RBM41: variants seen among roughly 807,000 people sequenced by gnomAD.
RBM41 encodes RNA-binding protein 41.
RBM41 carries 14 observed loss-of-function variants against 30.8 expected under a neutral mutation model. The observed-to-expected ratio is 0.45, with a 90% CI of 0.30 to 0.71. The LOEUF (loss-of-function observed/expected upper bound fraction) is 0.71. Among genes scored for constraint, RBM41 ranks in the 30% least tolerant of loss-of-function variants. The pLI is 0.08. For missense variants in RBM41, 276 were observed against 326.3 expected, an observed-to-expected ratio of 0.85 and a Z score of 1.19; for synonymous variants, 120 against 110.1, an observed-to-expected ratio of 1.09 and a Z score of -0.56.
intron 2 of RBM41, chrX:107,116,325 A>T: frequency 1.2e-6 from 1 of 848,728 alleles, no homozygotes; most frequent in Non-Finnish European, 1.5e-6. Context: ...GCTTTATAAA[A>T]AAGATAAAAA....
At chrX:107,084,655 C>G (rs946222287) in intron 6 of RBM41, among the ~76,000 whole-genome samples, 1 of 111,381 alleles carries the variant, frequency 9.0e-6, no homozygotes, top group Non-Finnish European at 1.9e-5. Flanking sequence ...GTCAAAGTTA[C>G]CACCTAAGTG....
intron 6 of RBM41, among the ~76,000 whole-genome samples, chrX:107,077,720 G>A (rs56226947): frequency 0.13 from 14,085 of 110,081 alleles, 932 homozygotes; most frequent in Non-Finnish European, 0.18. Flanking sequence ...TGCAATACAC[G>A]GTATTATTTT....
chrX:107,088,161 G>A (rs138207834), intron 6 of RBM41, among the ~76,000 whole-genome samples: 4,270 of 111,245 alleles, frequency 0.038, 221 homozygotes, highest in African/African-American at 0.13. Flanking sequence ...CCTTCAATTC[G>A]GGGCTTCTAA....
chrX:107,067,656 A>G lies in RBM41; in HGVS notation c.1185T>C (p.Asn395=). 1.7e-6 allele frequency: 2 copies of G among 1,207,119 alleles called. No homozygotes were observed. The highest frequency in any genetic ancestry group is 2.2e-6 in the Non-Finnish European group (2 of 893,881). ...EIAWQALHLV[N]GYKLHGKILV... is the part of the protein sequence containing the mutation. ...ATATTTTCCCATGTAGTTTGTATCC[A>G]TTTACTAGATGCAATGCTTGCCATG... is the stretch of plus-strand genomic sequence containing the variant. Residue 395 remains asparagine, a synonymous_variant, in exon 8 of 8, where the codon AAT becomes AAC. Coordinates refer to ENST00000685964, the MANE Select transcript of RBM41 (RefSeq NM_001324242.2).
At chrX:107,106,816 C>T (rs1924042950) in intron 5 of RBM41, among the ~76,000 whole-genome samples, 1 of 95,679 alleles carries the variant, frequency 1.0e-5, no homozygotes, top group Admixed American at 1.3e-4. Flanking sequence ...GGGAATTGAA[C>T]AATGAGAATA....
intron 5 of RBM41, among the ~76,000 whole-genome samples, chrX:107,093,201 A>C (rs1330139116): frequency 9.0e-6 from 1 of 111,505 alleles, no homozygotes; most frequent in African/African-American, 3.3e-5. Context: ...AAAAAATACA[A>C]GATAAGATTG....
At chrX:107,081,760 T>C (rs1337672418) in intron 6 of RBM41, among the ~76,000 whole-genome samples, 1 of 112,223 alleles carries the variant, frequency 8.9e-6, no homozygotes, top group Non-Finnish European at 1.9e-5. Context: ...TTCATTCTTT[T>C]TTGGTGCTAT....
intron 6 of RBM41, among the ~76,000 whole-genome samples, chrX:107,086,976 CAT>C (rs1184653485): frequency 9.0e-6 from 1 of 111,362 alleles, no homozygotes. Context: ...AGTTTTAAAA[CAT>C]ATAAAACTAT....
At chrX:107,099,751 T>C (rs762484803) in intron 5 of RBM41, among the ~76,000 whole-genome samples, 1 of 109,488 alleles carries the variant, frequency 9.1e-6, no homozygotes, top group East Asian at 2.9e-4. Context: ...AGGGGAACTG[T>C]TCGGGGAACT....
At chrX:107,108,869 CTA>C (rs1451869745) in intron 5 of RBM41, among the ~76,000 whole-genome samples, 1 of 102,698 alleles carries the variant, frequency 9.7e-6, no homozygotes, top group Non-Finnish European at 2.1e-5. Context: ...AGAATTTTCA[CTA>C]TTTTACCTGG....
intron 5 of RBM41, among the ~76,000 whole-genome samples, chrX:107,097,395 CCA>C (rs1923069241): frequency 9.0e-6 from 1 of 111,618 alleles, no homozygotes. Flanking sequence ...CCCATAATCC[CCA>C]CGTGTCAAGG....
At chrX:107,091,949 T>C (rs1450526768) in intron 5 of RBM41, among the ~76,000 whole-genome samples, 2 of 111,889 alleles carry the variant, frequency 1.8e-5, no homozygotes, top group African/African-American at 6.5e-5. Flanking sequence ...TCTAGTCTCA[T>C]ACTGTTATGA....
In RBM41 at chrX:107,062,505, T is replaced by A. The variant is rs1461410094; in HGVS notation, c.*5022A>T. Among the ~76,000 whole-genome samples the A allele has an allele frequency of 9.0e-6, 1 of 111,519 alleles. No individual in the cohort carries two copies. The highest frequency in any genetic ancestry group is 1.9e-5 in the Non-Finnish European group (1 of 53,062). ...TTAACTATGTCTGAAATTAGAGTGT[T>A]AATCCTAAGTGAGCAGTATATCAAA... On this transcript the variant is annotated 3_prime_UTR_variant, in exon 8 of 8. Coordinates refer to ENST00000685964, the MANE Select transcript of RBM41 (RefSeq NM_001324242.2).
intron 1 of RBM41, among the ~76,000 whole-genome samples, chrX:107,118,088 G>C (rs1251796772): frequency 2.7e-5 from 3 of 111,298 alleles, no homozygotes; most frequent in Non-Finnish European, 5.7e-5. Context: ...CTTGCAGAGT[G>C]AATCTAAAAT....
In RBM41 at chrX:107,066,718, G is replaced by A. The variant is rs1935853738; in HGVS notation, c.*809C>T. The A allele has an allele frequency of 2.0e-5, 15 of 753,047 alleles. No individual in the cohort carries two copies. The highest frequency in any genetic ancestry group is 2.3e-5 in the Non-Finnish European group (15 of 638,469). 62.1% of individuals were successfully genotyped at this position (753,047 alleles called of 1,213,427 possible). ...CCAGCAACCATAAACAAACAACTGG[G>A]GGATTTGTGACTGGCATCCTCTTTT... On this transcript the variant is annotated 3_prime_UTR_variant, in exon 8 of 8. Transcript: ENST00000685964.
intron 6 of RBM41, among the ~76,000 whole-genome samples, chrX:107,071,045 AC>A (rs199799326): frequency 0.052 from 4,906 of 93,767 alleles, 326 homozygotes; most frequent in African/African-American, 0.21. Flanking sequence ...ACAGAGTGAG[AC>A]CCTGTCTCAA....
At chrX:107,098,023 T>A (rs767021554) in intron 5 of RBM41, among the ~76,000 whole-genome samples, 6 of 111,924 alleles carry the variant, frequency 5.4e-5, no homozygotes, top group Non-Finnish European at 1.1e-4. Flanking sequence ...ATTGAACACT[T>A]ACAATAGGTG....
chrX:107,089,135 AAATT>A (rs747156101), intron 5 of RBM41, among the ~76,000 whole-genome samples: 1 of 112,056 alleles, frequency 8.9e-6, no homozygotes, highest in South Asian at 3.7e-4. Context: ...ATACTTCACA[AAATT>A]AATAATTCCT....
chrX:107,065,110 T>C lies in RBM41; in HGVS notation c.*2417A>G, dbSNP rs1378081851. 8.9e-6 allele frequency: 1 copy of C among 112,078 alleles called. No individual in the cohort carries two copies. The highest frequency in any genetic ancestry group is 3.2e-5 in the African/African-American group (1 of 30,978). 9.2% of individuals were successfully genotyped at this position (112,078 alleles called of 1,213,427 possible). A position where few individuals can be genotyped will look rare whatever the true frequency, so the allele number is the denominator to read the frequency against. ...TTTCTTATGGCTGTTGTCTGTGTGA[T>C]ATATTTGTTTTCCATCCTTTTACCT... On this transcript the variant is annotated 3_prime_UTR_variant, in exon 8 of 8. Transcript: ENST00000685964.
Sources: gnomAD v4.1 joint callset for allele counts (sites outside exome capture counted in the v4.1 genomes callset) on GRCh38, gnomAD v4.1.1 for gene constraint, MANE v1.5 for transcripts, NCBI Gene and HGNC (gene_info 2026-07-23, HGNC 2026-07-21) for gene names.